NR3C2: variants seen among roughly 807,000 people sequenced by gnomAD.
NR3C2 encodes the protein mineralocorticoid receptor.
A neutral mutation model predicts 86.4 loss-of-function variants in NR3C2; 15 were observed. That is an observed-to-expected ratio of 0.17 (90% CI 0.12 to 0.27). The LOEUF (loss-of-function observed/expected upper bound fraction) is 0.27, where lower values mean the gene tolerates loss of function less well. NR3C2 is among the 10% of genes least tolerant of loss of function. The pLI, the probability that NR3C2 is intolerant of heterozygous loss-of-function variation, is 1.00. For synonymous variants in NR3C2, 458 were observed against 450.5 expected (o/e 1.02, Z -0.21); for missense variants, 960 against 1,195.6 (o/e 0.80, Z 2.91).
intron 2 of NR3C2, among the ~76,000 whole-genome samples, chr4:148,285,575 C>T (rs1381143274): frequency 6.6e-6 from 1 of 152,032 alleles, no homozygotes; most frequent in African/African-American, 2.4e-5. Flanking sequence ...GGCGTGGTGA[C>T]GTGCGCCTGT....
chr4:148,249,726 TA>T (rs1168858092), intron 3 of NR3C2, among the ~76,000 whole-genome samples: 2 of 152,164 alleles, frequency 1.3e-5, no homozygotes, highest in Non-Finnish European at 2.9e-5. Context: ...AGGTGAGGTA[TA>T]AGAATTCACT....
At chr4:148,316,390 T>A (rs778273140) in intron 2 of NR3C2, among the ~76,000 whole-genome samples, 3 of 152,190 alleles carry the variant, frequency 2.0e-5, no homozygotes, top group Non-Finnish European at 4.4e-5. Flanking sequence ...CTGTGTATTA[T>A]TTAAGGAGAA....
At chr4:148,179,894 A>G (rs1392009649) in intron 4 of NR3C2, among the ~76,000 whole-genome samples, 1 of 151,760 alleles carries the variant, frequency 6.6e-6, no homozygotes, top group Non-Finnish European at 1.5e-5. Context: ...CAAAAACCAC[A>G]CTTTCACTGA....
intron 4 of NR3C2, among the ~76,000 whole-genome samples, chr4:148,166,794 A>G (rs1451192231): frequency 1.3e-5 from 2 of 151,476 alleles, no homozygotes; most frequent in African/African-American, 4.9e-5. Context: ...GGATAGAAAC[A>G]GTCAGCCGTT....
At chr4:148,116,996 G>A (rs945919826) in intron 7 of NR3C2, among the ~76,000 whole-genome samples, 2 of 152,168 alleles carry the variant, frequency 1.3e-5, no homozygotes, top group African/African-American at 2.4e-5. Flanking sequence ...TGGCAGAGGA[G>A]TAAAATCATT....
At chr4:148,146,075 G>A (rs1733854216) in intron 6 of NR3C2, among the ~76,000 whole-genome samples, 1 of 152,072 alleles carries the variant, frequency 6.6e-6, no homozygotes. Context: ...ATCTTAACTT[G>A]AAAGAAGAAG....
chr4:148,366,201 A>G (rs976579185), intron 2 of NR3C2, among the ~76,000 whole-genome samples: 1 of 152,158 alleles, frequency 6.6e-6, no homozygotes, highest in Non-Finnish European at 1.5e-5. Flanking sequence ...AAAAAAAAAT[A>G]ACAAAGCAGG....
intron 2 of NR3C2, among the ~76,000 whole-genome samples, chr4:148,335,085 C>T (rs554842315): frequency 4.6e-5 from 7 of 152,248 alleles, no homozygotes; most frequent in Non-Finnish European, 7.4e-5. Flanking sequence ...ATTATATCTG[C>T]GATGACTTTA....
chr4:148,374,284 T>C (rs760852458), intron 2 of NR3C2, among the ~76,000 whole-genome samples: 117 of 152,338 alleles, frequency 7.7e-4, no homozygotes, highest in Admixed American at 8.5e-4. Context: ...TAGAATATCA[T>C]GTTCTCATTA....
At chr4:148,258,467 C>T (rs1284195990) in intron 3 of NR3C2, among the ~76,000 whole-genome samples, 3 of 152,026 alleles carry the variant, frequency 2.0e-5, no homozygotes, top group South Asian at 4.2e-4. Context: ...CTAAGGGAAA[C>T]GTCCTTCCCC....
chr4:148,327,656 C>T (rs868346684), intron 2 of NR3C2, among the ~76,000 whole-genome samples: 2 of 152,166 alleles, frequency 1.3e-5, no homozygotes, highest in Admixed American at 6.5e-5. Context: ...TATGCTTGAA[C>T]AAAGGGCTTG....
chr4:148,100,071 A>C (rs181154784), intron 8 of NR3C2, among the ~76,000 whole-genome samples: 292 of 152,338 alleles, frequency 1.9e-3, no homozygotes, highest in African/African-American at 6.3e-3. Context: ...CACATGTTCT[A>C]TGGGTTTGTA....
At chr4:148,092,987 G>A (rs1260011983) in intron 8 of NR3C2, among the ~76,000 whole-genome samples, 1 of 152,226 alleles carries the variant, frequency 6.6e-6, no homozygotes, top group Non-Finnish European at 1.5e-5. Context: ...GCTAGATGGA[G>A]AGGCAAGAAC....
intron 3 of NR3C2, among the ~76,000 whole-genome samples, chr4:148,225,500 G>T (rs1738103674): frequency 6.6e-6 from 1 of 151,962 alleles, no homozygotes; most frequent in African/African-American, 2.4e-5. Flanking sequence ...ACAATGTTAT[G>T]AATTCTGTAG....
chr4:148,383,966 A>AG (rs1313548427), intron 2 of NR3C2, among the ~76,000 whole-genome samples: 1 of 151,600 alleles, frequency 6.6e-6, no homozygotes, highest in African/African-American at 2.4e-5. Context: ...AAAAAAAAAA[A>AG]AAAAGCACCT....
At chr4:148,359,874 T>TC (rs1745754657) in intron 2 of NR3C2, among the ~76,000 whole-genome samples, 1 of 152,172 alleles carries the variant, frequency 6.6e-6, no homozygotes, top group Non-Finnish European at 1.5e-5. Flanking sequence ...AATCAGCTTA[T>TC]CCCATGTAAC....
At chr4:148,087,167 A>G (rs938863454) in intron 8 of NR3C2, among the ~76,000 whole-genome samples, 2 of 152,242 alleles carry the variant, frequency 1.3e-5, no homozygotes, top group African/African-American at 2.4e-5. Flanking sequence ...CCCATTCACA[A>G]TTGCTACAAA....
chr4:148,319,387 C>A lies in NR3C2; in HGVS notation c.1758-59270G>T, dbSNP rs529389836. Among the ~76,000 whole-genome samples, 15 of 152,184 alleles carry A rather than the reference C, an allele frequency of 9.9e-5. 1 individual carries two copies. Among genetic ancestry groups the A allele is most frequent in the South Asian group, 8.3e-4 (4 of 4,822 alleles). On this transcript the variant is annotated intron_variant, in intron 2 of 8. Transcript: ENST00000358102. ...TCTTTTCTGGTTCCATATGAACTTT[C>A]AAGTAGTTTTTTCCAATTCTGTGAA...
At chr4:148,241,408 C>A (rs1164280116) in intron 3 of NR3C2, among the ~76,000 whole-genome samples, 2 of 150,660 alleles carry the variant, frequency 1.3e-5, no homozygotes, top group African/African-American at 4.9e-5. Flanking sequence ...TAAGTCTCTG[C>A]CCCAACTCTA....
Sources: allele counts gnomAD v4.1 joint callset (sites outside exome capture counted in the v4.1 genomes callset), GRCh38; gene constraint gnomAD v4.1.1; transcripts MANE v1.5; gene names NCBI Gene and HGNC (gene_info 2026-07-23, HGNC 2026-07-21).